KIF13A: variants seen among roughly 807,000 people sequenced by gnomAD.
KIF13A encodes kinesin-like protein KIF13A.
KIF13A carries 79 observed loss-of-function variants against 212.2 expected under a neutral mutation model. That is an observed-to-expected ratio of 0.37 (90% CI 0.31 to 0.45). KIF13A has a LOEUF of 0.45. Ranked by LOEUF, KIF13A falls within the 20% of genes least tolerant of loss-of-function variation. The probability of loss-of-function intolerance (pLI) is 1.00; values close to 1 mark genes in which losing one functional copy is unlikely to be tolerated. For missense variants in KIF13A, 1,901 were observed against 2,209.0 expected, an observed-to-expected ratio of 0.86 and a Z score of 2.79; for synonymous variants, 789 against 808.6, an observed-to-expected ratio of 0.98 and a Z score of 0.41.
At position 17,947,654 on chromosome 6, in the gene KIF13A, C is replaced by T. The variant is rs747949294; in HGVS notation, c.146+39400G>A. On this transcript the variant is annotated intron_variant, in intron 2 of 38. Transcript: ENST00000259711. This position sits in a 1 kb window ranked among gnomAD's most constrained non-coding sequence, Gnocchi z 4.6. ...GACCAGCCGACCAGCCTGGGCAACA[C>T]GGTGAAACCCTATCTCTACTAAAAA... Among the ~76,000 whole-genome samples, 22 of 151,936 alleles carry T rather than the reference C, an allele frequency of 1.4e-4. No individual in the cohort carries two copies. Among genetic ancestry groups the T allele is most frequent in the Non-Finnish European group, 2.9e-4 (20 of 67,978 alleles).
At chr6:17,854,546 ATTTTTTTTT>A (rs36073765) in intron 6 of KIF13A, among the ~76,000 whole-genome samples, 11 of 77,094 alleles carry the variant, frequency 1.4e-4, no homozygotes, top group Non-Finnish European at 2.0e-4. Context: ...AATCAGTATA[ATTTTTTTTT>A]TTTTTTTTTT....
At chr6:17,778,853 G>T in intron 33 of KIF13A, 94 bp downstream of exon 33, 1 of 1,402,066 alleles carries the variant, frequency 7.1e-7, no homozygotes, top group African/African-American at 1.4e-5. Context: ...TTCTCTGATA[G>T]ATTTAGTGAG....
chr6:17,911,492 T>A (rs564287930), intron 2 of KIF13A, among the ~76,000 whole-genome samples: 13 of 152,348 alleles, frequency 8.5e-5, no homozygotes, highest in African/African-American at 2.9e-4. Context: ...AACACTTTTT[T>A]AAAATAAAAG....
chr6:17,925,681 T>C (rs77651729), intron 2 of KIF13A, among the ~76,000 whole-genome samples: 169 of 152,284 alleles, frequency 1.1e-3, no homozygotes, highest in African/African-American at 3.7e-3. Context: ...CTTCAGTGTA[T>C]GTGCACTGCA....
Position 17,786,076 on chromosome 6 carries a change from C to A in KIF13A, c.3362-435G>T, listed in dbSNP as rs2150313573. 6.6e-6 allele frequency among the ~76,000 whole-genome samples: 1 copy of A among 152,282 alleles called. No homozygotes were observed. Among genetic ancestry groups the A allele is most frequent in the South Asian group, 2.1e-4 (1 of 4,822 alleles). ...GGGGCTTCAACACCAATTTAAGGAACTGCAAGCCAGAAATAGCAGAAAGAG... is the reference window on the plus strand; with the variant it reads ...GGGGCTTCAACACCAATTTAAGGAAATGCAAGCCAGAAATAGCAGAAAGAG... On this transcript the variant is annotated intron_variant, in intron 27 of 38. Coordinates refer to ENST00000259711, the MANE Select transcript of KIF13A (RefSeq NM_022113.6). The surrounding 1 kb of genome is among the most constrained non-coding windows in gnomAD (Gnocchi z 5.4).
In KIF13A at chr6:17,763,959, AAC is replaced by A; in HGVS notation, c.*149_*150del. On this transcript the variant is annotated 3_prime_UTR_variant, in exon 39 of 39. Coordinates refer to ENST00000259711, the MANE Select transcript of KIF13A (RefSeq NM_022113.6). ...TTCACAATTGCGTTCTAGTTCCCAA[AAC>A]AGACTTGCTCTCCGACAGAGACAGC... The A allele has an allele frequency of 6.9e-7, 1 of 1,444,924 alleles. No individual in the cohort carries two copies. Among genetic ancestry groups the A allele is most frequent in the Non-Finnish European group, 9.1e-7 (1 of 1,101,308 alleles). 89.5% of individuals were successfully genotyped at this position (1,444,924 alleles called of 1,614,324 possible). A position where few individuals can be genotyped will look rare whatever the true frequency, so the allele number is the denominator to read the frequency against.
Position 17,764,070 on chromosome 6 carries a change from C to A in KIF13A, c.*40G>T. ...ATGAATCTTTCCTACCAAGTTGTTG[C>A]GGTGAAGGGCCTCTGGGGTTGACAT... On this transcript the variant is annotated 3_prime_UTR_variant, in exon 39 of 39. Transcript: ENST00000259711. The surrounding 1 kb of genome is among the most constrained non-coding windows in gnomAD (Gnocchi z 5.1). The A allele has an allele frequency of 1.9e-6, 3 of 1,579,160 alleles. No individual in the cohort carries two copies. Among genetic ancestry groups the A allele is most frequent in the African/African-American group, 1.4e-5 (1 of 74,060 alleles).
At chr6:17,916,479 T>C (rs1774525411) in intron 2 of KIF13A, among the ~76,000 whole-genome samples, 1 of 152,236 alleles carries the variant, frequency 6.6e-6, no homozygotes, top group Admixed American at 6.5e-5. Context: ...CTTCCTGTTA[T>C]GCTACAAACC....
At chr6:17,868,957 T>C (rs1011732481) in intron 4 of KIF13A, among the ~76,000 whole-genome samples, 2 of 111,292 alleles carry the variant, frequency 1.8e-5, no homozygotes, top group African/African-American at 7.1e-5. Context: ...ATCGTGCCAC[T>C]GCACTCTGGG....
At chr6:17,824,713 A>G (rs1485719942) in intron 16 of KIF13A, among the ~76,000 whole-genome samples, 3 of 145,220 alleles carry the variant, frequency 2.1e-5, no homozygotes, top group Non-Finnish European at 4.5e-5. Flanking sequence ...GTGAACCGAG[A>G]TCGTGCCACT....
rs1306933979 is a variant in KIF13A, at chr6:17,828,881, A to T, written c.1402-511T>A. On this transcript the variant is annotated intron_variant, in intron 13 of 38. Coordinates refer to ENST00000259711, the MANE Select transcript of KIF13A (RefSeq NM_022113.6). The surrounding 1 kb of genome is among the most constrained non-coding windows in gnomAD (Gnocchi z 4.3). ...ATATTCAACTTTGAAAATGCTAAAA[A>T]TTTTGAATTTCTAATACTGATATTA... is the stretch of plus-strand genomic sequence containing the variant. 6.6e-6 allele frequency among the ~76,000 whole-genome samples: 1 copy of T among 152,152 alleles called. No homozygotes were observed. Among genetic ancestry groups the T allele is most frequent in the African/African-American group, 2.4e-5 (1 of 41,440 alleles).
intron 3 of KIF13A, among the ~76,000 whole-genome samples, chr6:17,884,474 A>G (rs1771360319): frequency 6.6e-6 from 1 of 152,152 alleles, no homozygotes; most frequent in Non-Finnish European, 1.5e-5. Flanking sequence ...ACTCATCTTT[A>G]TTCTCTCTAG....
intron 18 of KIF13A, 60 bp downstream of exon 18, chr6:17,808,708 T>A (rs1227193835): frequency 6.7e-7 from 1 of 1,496,692 alleles, no homozygotes; most frequent in African/African-American, 1.4e-5. Context: ...CAGTTTTAGA[T>A]CCTATTTTAC....
At chr6:17,923,439 G>A (rs909145960) in intron 2 of KIF13A, among the ~76,000 whole-genome samples, 1 of 151,836 alleles carries the variant, frequency 6.6e-6, no homozygotes, top group African/African-American at 2.4e-5. Context: ...AATGCCCCCG[G>A]AATTCAGTAA....
intron 2 of KIF13A, among the ~76,000 whole-genome samples, chr6:17,974,449 G>GTGC (rs1780098506): frequency 6.6e-6 from 1 of 152,204 alleles, no homozygotes; most frequent in African/African-American, 2.4e-5. Context: ...AGCCAACCAT[G>GTGC]TGCGTTAAGT....
In KIF13A at chr6:17,777,674, G is replaced by A. The variant is rs142329898; in HGVS notation, c.4093-320C>T. 2.4e-4 allele frequency among the ~76,000 whole-genome samples: 37 copies of A among 152,152 alleles called. No homozygotes were observed. The highest frequency in any genetic ancestry group is 8.4e-4 in the African/African-American group (35 of 41,526). ...GTTAGGATTACAGGCGTGAGCCACCGCACCCGGCCATTACTTTATTTTTTA... is the reference window on the plus strand; with the variant it reads ...GTTAGGATTACAGGCGTGAGCCACCACACCCGGCCATTACTTTATTTTTTA... On this transcript the variant is annotated intron_variant, in intron 33 of 38. Coordinates refer to ENST00000259711, the MANE Select transcript of KIF13A (RefSeq NM_022113.6). This position sits in a 1 kb window ranked among gnomAD's most constrained non-coding sequence, Gnocchi z 4.4.
chr6:17,767,506 C>T (rs559223455), intron 38 of KIF13A, among the ~76,000 whole-genome samples: 4 of 152,280 alleles, frequency 2.6e-5, no homozygotes, highest in Non-Finnish European at 4.4e-5. Context: ...CTGCCCGTCT[C>T]GGGCTTCTAA....
intron 9 of KIF13A, among the ~76,000 whole-genome samples, chr6:17,847,896 C>A (rs1328527442): frequency 6.6e-6 from 1 of 152,108 alleles, no homozygotes; most frequent in African/African-American, 2.4e-5. Flanking sequence ...ACCGCAACCT[C>A]TGTCTCCCGG....
rs1391569000 is a variant in KIF13A, at chr6:17,775,061, A to T, written c.4172T>A (p.Val1391Asp). 3 of 1,610,642 alleles carry T rather than the reference A, an allele frequency of 1.9e-6. No individual in the cohort carries two copies. The highest frequency in any genetic ancestry group is 2.5e-6 in the Non-Finnish European group (3 of 1,178,146). The change falls in exon 35 of 39, where the codon GTC (valine) becomes GAC (aspartate). Residue 1391 changes from valine to aspartate, a missense_variant and splice_region_variant. Transcript: ENST00000259711. ...RSLSTPNVHNVSSSRPDLSGF... is the reference protein window; with the variant it reads ...RSLSTPNVHNDSSSRPDLSGF... Reference sequence around the variant, plus strand: ...AGAAAGGTCCGGTCGGCTGGAAGAGACCTATAAGAGAAGAATGGTTTTAGC... The same window carrying T: ...AGAAAGGTCCGGTCGGCTGGAAGAGTCCTATAAGAGAAGAATGGTTTTAGC...
Sources: allele counts gnomAD v4.1 joint callset (sites outside exome capture counted in the v4.1 genomes callset), GRCh38; gene constraint gnomAD v4.1.1; non-coding constraint Gnocchi (gnomAD v3.1); transcripts MANE v1.5; gene names NCBI Gene and HGNC (gene_info 2026-07-23, HGNC 2026-07-21).